Variants in AGBL1 observed in about 807,000 individuals in gnomAD.
AGBL1 encodes the protein cytosolic carboxypeptidase 4.
AGBL1 carries 130 observed loss-of-function variants against 118.9 expected under a neutral mutation model. That is an observed-to-expected ratio of 1.09 (90% confidence interval 0.95 to 1.26). AGBL1 has a LOEUF of 1.26. Among genes scored for constraint, AGBL1 ranks in the 50% most tolerant of loss-of-function variants. AGBL1 has a pLI of 0.00. For missense variants in AGBL1, 1,584 were observed against 1,298.1 expected (o/e 1.22, Z -3.38); for synonymous variants, 555 against 478.9 (o/e 1.16, Z -2.08).
chr15:86,419,955 C>T (rs1054216311), intron 18 of AGBL1, among the ~76,000 whole-genome samples: 1 of 152,326 alleles, frequency 6.6e-6, no homozygotes, highest in Middle Eastern at 3.4e-3. Flanking sequence ...AGAAAGGCAG[C>T]AGCTCCAGTC....
intron 17 of AGBL1, among the ~76,000 whole-genome samples, chr15:86,373,795 C>T (rs958295599): frequency 6.6e-5 from 10 of 152,186 alleles, no homozygotes; most frequent in African/African-American, 2.4e-4. Flanking sequence ...CAAGGAGTTT[C>T]TCCTTGAGCA....
At chr15:86,274,626 C>T (rs970245160) in intron 15 of AGBL1, among the ~76,000 whole-genome samples, 7 of 152,058 alleles carry the variant, frequency 4.6e-5, no homozygotes, top group Admixed American at 4.6e-4. Flanking sequence ...ATGCAACAAT[C>T]GATGCTTAAC....
At position 86,558,857 on chromosome 15, in the gene AGBL1, GTATT is replaced by G. The variant is rs1245593141; in HGVS notation, c.2994+4326_2994+4329del. On this transcript the variant is annotated intron_variant, in intron 21 of 22. Transcript: ENST00000614907. ...CAGTAGCCCAGACTGTAGGCTGACT[GTATT>G]TATTTTCTGTGGCTGCTGTAACAGA... is the stretch of plus-strand genomic sequence containing the variant. Among the ~76,000 whole-genome samples the G allele has an allele frequency of 2.6e-5, 4 of 152,148 alleles. No homozygotes were observed. The East Asian group carries it at 7.7e-4, about 29-fold the overall frequency.
At chr15:86,690,287 C>G (rs1229251673) in intron 22 of AGBL1, among the ~76,000 whole-genome samples, 1 of 152,044 alleles carries the variant, frequency 6.6e-6, no homozygotes, top group Non-Finnish European at 1.5e-5. Flanking sequence ...ATCACAGATG[C>G]CCCAAGATAG....
intron 22 of AGBL1, among the ~76,000 whole-genome samples, chr15:86,716,246 C>T (rs1180549004): frequency 6.6e-6 from 1 of 152,072 alleles, no homozygotes; most frequent in African/African-American, 2.4e-5. Flanking sequence ...CTATACACTG[C>T]AGAGTGTTAC....
chr15:86,656,822 G>A (rs1044954060), intron 21 of AGBL1, among the ~76,000 whole-genome samples: 6 of 152,078 alleles, frequency 3.9e-5, no homozygotes, highest in Admixed American at 6.5e-5. Flanking sequence ...GCTAACATGA[G>A]AAGGGTCTGT....
chr15:86,178,570 T>G (rs1259058000), intron 5 of AGBL1, among the ~76,000 whole-genome samples: 1 of 152,230 alleles, frequency 6.6e-6, no homozygotes, highest in Non-Finnish European at 1.5e-5. Context: ...CTATATTTGG[T>G]AATTGAATTG....
chr15:86,146,293 A>C (rs557848195), intron 3 of AGBL1, among the ~76,000 whole-genome samples: 5 of 152,350 alleles, frequency 3.3e-5, no homozygotes, highest in Non-Finnish European at 5.9e-5. Context: ...TTCCCTAAGC[A>C]ATACAGTTTA....
chr15:86,712,069 C>A (rs983959655), intron 22 of AGBL1, among the ~76,000 whole-genome samples: 1 of 152,106 alleles, frequency 6.6e-6, no homozygotes, highest in African/African-American at 2.4e-5. Flanking sequence ...TCAAATTCAC[C>A]CCTGCCCTCC....
intron 21 of AGBL1, among the ~76,000 whole-genome samples, chr15:86,602,763 AT>A (rs1433016096): frequency 6.6e-6 from 1 of 152,222 alleles, no homozygotes; most frequent in Non-Finnish European, 1.5e-5. Flanking sequence ...GAAAATGAGA[AT>A]TCTGAAGTTA....
chr15:86,947,004 A>G (rs2080831587), intron 23 of AGBL1, among the ~76,000 whole-genome samples: 1 of 151,994 alleles, frequency 6.6e-6, no homozygotes, highest in South Asian at 2.1e-4. Flanking sequence ...TCTTCAAGGA[A>G]CCTTTTAAGG....
intron 1 of AGBL1, among the ~76,000 whole-genome samples, chr15:86,132,543 A>G (rs1204765031): frequency 6.6e-6 from 1 of 152,168 alleles, no homozygotes; most frequent in Non-Finnish European, 1.5e-5. Context: ...CTAACCTGCA[A>G]GTTTTGTGCT....
intron 22 of AGBL1, among the ~76,000 whole-genome samples, chr15:86,832,111 G>C (rs886577163): frequency 2.0e-5 from 3 of 152,180 alleles, no homozygotes; most frequent in Admixed American, 1.3e-4. Context: ...CTAAGTCCGA[G>C]ACTGCACAAA....
intron 1 of AGBL1, among the ~76,000 whole-genome samples, chr15:86,125,732 C>T (rs551571118): frequency 1.5e-4 from 23 of 152,338 alleles, no homozygotes; most frequent in African/African-American, 5.3e-4. Flanking sequence ...CCATGTGTCC[C>T]AGATTCATGG....
At chr15:86,801,950 C>A (rs868179191) in intron 22 of AGBL1, among the ~76,000 whole-genome samples, 1 of 152,014 alleles carries the variant, frequency 6.6e-6, no homozygotes, top group Non-Finnish European at 1.5e-5. Flanking sequence ...ATGATCAAGC[C>A]CTGACAACAA....
chr15:87,026,124 C>T (rs1309644208), intron 24 of AGBL1, among the ~76,000 whole-genome samples: 1 of 151,786 alleles, frequency 6.6e-6, no homozygotes. Context: ...AGAACCCAAA[C>T]ACAAATACAA....
intron 1 of AGBL1, among the ~76,000 whole-genome samples, chr15:86,125,043 G>A (rs146372899): frequency 6.6e-6 from 1 of 152,258 alleles, no homozygotes; most frequent in African/African-American, 2.4e-5. Flanking sequence ...GGGGCTCTCT[G>A]CTTGTGCTTG....
chr15:86,570,745 C>G (rs1042177105), intron 21 of AGBL1, among the ~76,000 whole-genome samples: 1 of 152,134 alleles, frequency 6.6e-6, no homozygotes, highest in African/African-American at 2.4e-5. Flanking sequence ...TTTTGCTATT[C>G]ATGTTTTTAT....
At position 86,265,316 on chromosome 15, in the gene AGBL1, G is replaced by T. The variant is rs1372205271; in HGVS notation, c.1667+478G>T. Among the ~76,000 whole-genome samples the T allele has an allele frequency of 5.3e-5, 8 of 152,278 alleles. No individual in the cohort carries two copies. In the South Asian group the frequency reaches 1.7e-3, roughly 32 times the overall value. Reference sequence around the variant, plus strand: ...CTATTATAGACCCTGGCTTAGTTAGGAGAATAGTTTTGCTGCCTCACAGAG... The same window carrying T: ...CTATTATAGACCCTGGCTTAGTTAGTAGAATAGTTTTGCTGCCTCACAGAG... On this transcript the variant is annotated intron_variant, in intron 11 of 22. Transcript: ENST00000614907.
Sources: allele counts gnomAD v4.1 joint callset (sites outside exome capture counted in the v4.1 genomes callset), GRCh38; gene constraint gnomAD v4.1.1; transcripts MANE v1.5; gene names NCBI Gene and HGNC (gene_info 2026-07-23, HGNC 2026-07-21).